The following CD164 variants were observed in gnomAD, a reference collection of about 807,000 sequenced individuals.
CD164 encodes the protein CD164 molecule, also known as sialomucin core protein 24.
In CD164, 11 loss-of-function variants were observed where a neutral mutation model predicts 24.6. The ratio of observed to expected loss-of-function variants is 0.45; its 90% CI spans 0.28 to 0.74. The LOEUF is 0.74. CD164 is among the 30% of genes least tolerant of loss of function. CD164 has a pLI of 0.13. For synonymous variants in CD164, 126 were observed against 100.3 expected (o/e 1.26, Z -1.53); for missense variants, 295 against 243.7 (o/e 1.21, Z -1.40).
intron 2 of CD164, among the ~76,000 whole-genome samples, chr6:109,378,981 T>C (rs1447875410): frequency 6.6e-6 from 1 of 152,182 alleles, no homozygotes; most frequent in African/African-American, 2.4e-5. Context: ...TGCAGTAATA[T>C]GGTTCTAATA....
In CD164 at chr6:109,381,599, C is replaced by T. The variant is rs752874876; in HGVS notation, c.175+605G>A. ...CATACTTTGAAGTGTGAAGTTTTCACTAACTACGTGCTCAAACGTCAGCTA... is the reference window on the plus strand; with the variant it reads ...CATACTTTGAAGTGTGAAGTTTTCATTAACTACGTGCTCAAACGTCAGCTA... On this transcript the variant is annotated intron_variant, in intron 1 of 5. Coordinates refer to ENST00000310786, the MANE Select transcript of CD164 (RefSeq NM_006016.6). 4.3e-5 allele frequency: 30 copies of T among 702,404 alleles called. No homozygotes were observed. The Middle Eastern group carries it at 1.4e-3, about 32-fold the overall frequency. 43.5% of individuals were successfully genotyped at this position (702,404 alleles called of 1,614,324 possible). A position where few individuals can be genotyped will look rare whatever the true frequency, so the allele number is the denominator to read the frequency against.
At chr6:109,375,799 C>G (rs1185557692) in intron 4 of CD164, 2 of 328,242 alleles carry the variant, frequency 6.1e-6, no homozygotes, top group Non-Finnish European at 1.1e-5. Context: ...CTATATTTCC[C>G]AAGATTTCCA....
rs552291363 is a variant in CD164 at position 109,375,444 on chromosome 6, G to A, written c.370+630C>T. On this transcript the variant is annotated intron_variant, in intron 4 of 5. Coordinates refer to ENST00000310786, the MANE Select transcript of CD164 (RefSeq NM_006016.6). ...CCAGCCTGGCCAATGTGGTGAAACCGTGACTCTACTAAAAAAACAAAAATT... is the reference window on the plus strand; with the variant it reads ...CCAGCCTGGCCAATGTGGTGAAACCATGACTCTACTAAAAAAACAAAAATT... Among the ~76,000 whole-genome samples the A allele has an allele frequency of 5.3e-5, 8 of 151,816 alleles. No homozygotes were observed. The South Asian group carries it at 6.3e-4, about 12-fold the overall frequency.
chr6:109,379,742 GAAC>G, intron 1 of CD164, 80 bp from the exon 2 acceptor site: 1 of 1,058,626 alleles, frequency 9.4e-7, no homozygotes, highest in East Asian at 2.4e-5. Context: ...TTATCTTTTT[GAAC>G]AATAAGCATT....
At chr6:109,378,276 T>G (rs1015443926) in intron 2 of CD164, among the ~76,000 whole-genome samples, 1 of 152,108 alleles carries the variant, frequency 6.6e-6, no homozygotes, top group Non-Finnish European at 1.5e-5. Flanking sequence ...TACTGTACAA[T>G]CAAGAAAGGC....
intron 4 of CD164, among the ~76,000 whole-genome samples, chr6:109,374,587 T>C (rs1483603209): frequency 6.6e-6 from 1 of 152,202 alleles, no homozygotes; most frequent in Non-Finnish European, 1.5e-5. Context: ...TTTATTAAAA[T>C]GCAAGTCTGA....
At chr6:109,382,133 C>T (rs1307430237) in intron 1 of CD164, 71 bp downstream of exon 1, 1 of 1,289,028 alleles carries the variant, frequency 7.8e-7, no homozygotes, top group Non-Finnish European at 9.9e-7. Flanking sequence ...CGGGCCCCGC[C>T]CGCACGGCGA....
At position 109,368,734 on chromosome 6, in the gene CD164, G is replaced by C; in HGVS notation, c.*117C>G. On this transcript the variant is annotated 3_prime_UTR_variant, in exon 6 of 6. Transcript: ENST00000310786. The stretch of plus-strand genomic sequence containing the variant: ...TCCCAAACATCCTATATGCATCCAT[G>C]GAAATTTAAAGATCCTGGAATAGCG... 1 of 1,441,386 alleles carries C rather than the reference G, an allele frequency of 6.9e-7. No homozygotes were observed. 89.3% of individuals were successfully genotyped at this position (1,441,386 alleles called of 1,614,324 possible). A position where few individuals can be genotyped will look rare whatever the true frequency, so the allele number is the denominator to read the frequency against.
At chr6:109,381,891 TTTCCGAC>T in intron 1 of CD164, 1 of 470,620 alleles carries the variant, frequency 2.1e-6, no homozygotes, top group Middle Eastern at 5.7e-4. Context: ...CACGTCCCCA[TTTCCGAC>T]CCCAAGTGAG....
intron 3 of CD164, 135 bp downstream of exon 3, chr6:109,377,765 T>C (rs960083210): frequency 7.3e-6 from 5 of 682,770 alleles, no homozygotes; most frequent in African/African-American, 5.3e-5. Context: ...ATGAATATAC[T>C]ATTCATATTC....
chr6:109,371,915 C>T (rs1263311378), intron 4 of CD164: 2 of 152,166 alleles, frequency 1.3e-5, no homozygotes, highest in Non-Finnish European at 2.9e-5. Flanking sequence ...GAAGATTAAT[C>T]ATATGAGATT....
intron 3 of CD164, among the ~76,000 whole-genome samples, chr6:109,376,755 A>G (rs1337660522): frequency 6.6e-6 from 1 of 152,224 alleles, no homozygotes; most frequent in East Asian, 1.9e-4. Context: ...TACTAATGAA[A>G]TCTTCATTAA....
chr6:109,378,447 A>G (rs1771544028), intron 2 of CD164, among the ~76,000 whole-genome samples: 1 of 151,850 alleles, frequency 6.6e-6, no homozygotes, highest in African/African-American at 2.4e-5. Context: ...TCTCAGGGAA[A>G]AAAAAAAAGG....
At chr6:109,381,458 T>C (rs1771737862) in intron 1 of CD164, 1 of 700,726 alleles carries the variant, frequency 1.4e-6, no homozygotes, top group East Asian at 2.7e-5. Context: ...CAGGAGAGTT[T>C]ACTCATCTCC....
In CD164 at chr6:109,367,025, G is replaced by C. The variant is rs1037126312; in HGVS notation, c.*1826C>G. 6.6e-6 allele frequency: 1 copy of C among 152,314 alleles called. No homozygotes were observed. Among genetic ancestry groups the C allele is most frequent in the Non-Finnish European group, 1.5e-5 (1 of 68,008 alleles). The allele number at this position is 152,314 out of a possible 1,614,324, so 9.4% of individuals were successfully genotyped here. On this transcript the variant is annotated 3_prime_UTR_variant, in exon 6 of 6. Transcript: ENST00000310786. ...AATTTTTGCCACCTTGGGAGGAATG[G>C]AATTCTGCCTATTTTCGAATTAATC...
chr6:109,379,206 T>C (rs1181878203), intron 2 of CD164, among the ~76,000 whole-genome samples: 1 of 152,100 alleles, frequency 6.6e-6, no homozygotes, highest in African/African-American at 2.4e-5. Context: ...TCTCAATCCT[T>C]AGAACAGGCT....
At chr6:109,370,085 G>A (rs1247137375) in intron 5 of CD164, among the ~76,000 whole-genome samples, 2 of 152,106 alleles carry the variant, frequency 1.3e-5, no homozygotes, top group Non-Finnish European at 2.9e-5. Flanking sequence ...CTCTCATACA[G>A]CACACAACCA....
chr6:109,369,704 A>G (rs1770973799), intron 5 of CD164, among the ~76,000 whole-genome samples: 1 of 152,204 alleles, frequency 6.6e-6, no homozygotes, highest in Admixed American at 6.5e-5. Flanking sequence ...AACTTTAATG[A>G]CAACTGTTTT....
intron 1 of CD164, chr6:109,380,541 C>T (rs916119507): frequency 2.0e-5 from 3 of 152,190 alleles, no homozygotes; most frequent in Admixed American, 6.5e-5. Flanking sequence ...AAGACTGGGA[C>T]ATGTACGGTG....
Sources: allele counts gnomAD v4.1 joint callset (sites outside exome capture counted in the v4.1 genomes callset), GRCh38; gene constraint gnomAD v4.1.1; transcripts MANE v1.5; gene names NCBI Gene and HGNC (gene_info 2026-07-23, HGNC 2026-07-21).